SEL1L: variants seen among roughly 807,000 people sequenced by gnomAD.
SEL1L encodes the protein protein sel-1 homolog 1.
A neutral mutation model predicts 109.8 loss-of-function variants in SEL1L; 52 were observed. The ratio of observed to expected loss-of-function variants is 0.47; its 90% confidence interval spans 0.38 to 0.60. The LOEUF (loss-of-function observed/expected upper bound fraction) is 0.60, where lower values mean the gene tolerates loss of function less well. Ranked by LOEUF, SEL1L falls within the 20% of genes least tolerant of loss-of-function variation. The pLI is 0.00. For synonymous variants in SEL1L, 373 were observed against 339.6 expected (o/e 1.10, Z -1.08); for missense variants, 749 against 962.2 (o/e 0.78, Z 2.93).
rs201724402 is a variant in SEL1L, at chr14:81,490,479, C to G, written c.1255-14G>C. 4.8e-4 allele frequency: 762 copies of G among 1,600,670 alleles called. No homozygotes were observed. Among genetic ancestry groups the G allele is most frequent in the Non-Finnish European group, 5.9e-4 (691 of 1,168,124 alleles). On this transcript the variant is annotated splice_polypyrimidine_tract_variant and intron_variant, in intron 12 of 20. Coordinates refer to ENST00000336735, the MANE Select transcript of SEL1L (RefSeq NM_005065.6). ...TTCCGAATACATCTGGAAAACAGAT[C>G]CCAATTTCAGTAAGAGCTGTAACCC...
intron 4 of SEL1L, among the ~76,000 whole-genome samples, chr14:81,505,431 C>T (rs1364474745): frequency 6.6e-6 from 1 of 152,078 alleles, no homozygotes; most frequent in Non-Finnish European, 1.5e-5. Flanking sequence ...ACTGGAGTAC[C>T]CAGTCACGCT....
intron 10 of SEL1L, 23 bp from the exon 11 acceptor site, chr14:81,495,160 C>G (rs374101538): frequency 1.4e-5 from 23 of 1,611,012 alleles, no homozygotes; most frequent in Non-Finnish European, 1.9e-5. Context: ...ACAAACAAGG[C>G]AAAAGTAAGT....
At chr14:81,519,002 T>A (rs12883451) in intron 3 of SEL1L, among the ~76,000 whole-genome samples, 8,962 of 152,194 alleles carry the variant, frequency 0.059, 890 homozygotes, top group African/African-American at 0.21. Context: ...TTCTGGAGAG[T>A]TCTCACCATC....
At chr14:81,479,487 G>T in intron 20 of SEL1L, 125 bp downstream of exon 20, 1 of 904,582 alleles carries the variant, frequency 1.1e-6, no homozygotes, top group Non-Finnish European at 1.6e-6. Flanking sequence ...GAGCTGAGGA[G>T]AAGGGAACAC....
chr14:81,482,682 T>C (rs1308388690), intron 19 of SEL1L, among the ~76,000 whole-genome samples: 6 of 152,230 alleles, frequency 3.9e-5, no homozygotes, highest in Non-Finnish European at 8.8e-5. Context: ...GACTGAACTA[T>C]ATTTAAGTAT....
At position 81,474,147 on chromosome 14, in the gene SEL1L, G is replaced by C. The variant is rs1402580369; in HGVS notation, c.*2825C>G. ...AGTGCTAAACAATACATTTTGAAAA[G>C]AAGTCATCTTTGATTTACTTTTTCT... is the stretch of plus-strand genomic sequence containing the variant. On this transcript the variant is annotated 3_prime_UTR_variant, in exon 21 of 21. Transcript: ENST00000336735. 6.6e-6 allele frequency: 1 copy of C among 150,486 alleles called. No homozygotes were observed. Among genetic ancestry groups the C allele is most frequent in the African/African-American group, 2.4e-5 (1 of 40,856 alleles). 9.3% of individuals were successfully genotyped at this position (150,486 alleles called of 1,614,324 possible).
rs149219725 is a variant in SEL1L at position 81,494,076 on chromosome 14, A to G, written c.1185+1005T>C. ...TGGCAACTCCTAAATTTATATTTTC[A>G]GCTTCAATCCAGTCTATTCGACTAC... is the stretch of plus-strand genomic sequence containing the variant. On this transcript the variant is annotated intron_variant, in intron 11 of 20. Coordinates refer to ENST00000336735, the MANE Select transcript of SEL1L (RefSeq NM_005065.6). 1.7e-3 allele frequency among the ~76,000 whole-genome samples: 264 copies of G among 152,304 alleles called. 4 individuals carry two copies. Among genetic ancestry groups the G allele is most frequent in the African/African-American group, 6.0e-3 (248 of 41,564 alleles).
rs1393815269 is a variant in SEL1L at position 81,492,562 on chromosome 14, A to G, written c.1186-14T>C. Reference sequence around the variant, plus strand: ...GTCAAATGCTCTCTATGAGAAAAGAATTTATTAAAATAATTAGTTTTTAAC... The same window carrying G: ...GTCAAATGCTCTCTATGAGAAAAGAGTTTATTAAAATAATTAGTTTTTAAC... On this transcript the variant is annotated splice_polypyrimidine_tract_variant and intron_variant, in intron 11 of 20. Transcript: ENST00000336735. 6.5e-7 allele frequency: 1 copy of G among 1,542,062 alleles called. No individual in the cohort carries two copies. Among genetic ancestry groups the G allele is most frequent in the Non-Finnish European group, 8.9e-7 (1 of 1,129,764 alleles).
chr14:81,504,935 G>A (rs1285882879), intron 4 of SEL1L, among the ~76,000 whole-genome samples: 1 of 152,122 alleles, frequency 6.6e-6, no homozygotes, highest in Non-Finnish European at 1.5e-5. Flanking sequence ...AAGCCAAGCA[G>A]ATGCCAGCAT....
chr14:81,506,660 C>T (rs111992918), intron 3 of SEL1L, among the ~76,000 whole-genome samples: 12 of 152,140 alleles, frequency 7.9e-5, no homozygotes, highest in Admixed American at 6.5e-4. Flanking sequence ...AATGCTCCCC[C>T]CAAGGCAAAG....
rs191761561 is a variant in SEL1L at position 81,497,800 on chromosome 14, G to T, written c.1128+92C>A. On this transcript the variant is annotated intron_variant, in intron 10 of 20. Coordinates refer to ENST00000336735, the MANE Select transcript of SEL1L (RefSeq NM_005065.6). ...CATAATTGCTCAGGGCAATGAAAAT[G>T]TAACTTACAGATATAAGTGCTTGCT... 7 of 1,159,012 alleles carry T rather than the reference G, an allele frequency of 6.0e-6. No homozygotes were observed. In the Admixed American group the frequency reaches 1.6e-4, roughly 27 times the overall value. The allele number at this position is 1,159,012 out of a possible 1,614,324, so 71.8% of individuals were successfully genotyped here.
intron 12 of SEL1L, among the ~76,000 whole-genome samples, chr14:81,491,475 AC>A (rs1883534667): frequency 6.6e-6 from 1 of 152,258 alleles, no homozygotes. Context: ...TAAATGCTTA[AC>A]AAAAACAGAG....
chr14:81,528,544 A>G (rs1453094647), intron 1 of SEL1L, among the ~76,000 whole-genome samples: 1 of 152,142 alleles, frequency 6.6e-6, no homozygotes, highest in East Asian at 1.9e-4. Flanking sequence ...GCTCTTACAT[A>G]AACACATGCA....
chr14:81,481,550 G>T (rs1903356448), intron 19 of SEL1L, among the ~76,000 whole-genome samples: 1 of 151,948 alleles, frequency 6.6e-6, no homozygotes, highest in African/African-American at 2.4e-5. Context: ...GATTCACTAG[G>T]GTAATTAAAT....
chr14:81,527,238 A>T (rs74557522), intron 2 of SEL1L, among the ~76,000 whole-genome samples: 8 of 152,230 alleles, frequency 5.3e-5, no homozygotes, highest in Admixed American at 5.2e-4. Flanking sequence ...CATGCCCCCA[A>T]CATACCTTAT....
intron 1 of SEL1L, among the ~76,000 whole-genome samples, chr14:81,529,648 T>C (rs180768221): frequency 1.4e-3 from 209 of 152,346 alleles, no homozygotes; most frequent in African/African-American, 4.9e-3. Flanking sequence ...AATTGCATCA[T>C]GCTTCTCTTT....
chr14:81,480,931 G>A lies in SEL1L; in HGVS notation c.2047-1191C>T, dbSNP rs114217414. Among the ~76,000 whole-genome samples, 519 of 152,068 alleles carry A rather than the reference G, an allele frequency of 3.4e-3. 3 individuals carry two copies. The highest frequency in any genetic ancestry group is 0.012 in the African/African-American group (492 of 41,454). On this transcript the variant is annotated intron_variant, in intron 19 of 20. Coordinates refer to ENST00000336735, the MANE Select transcript of SEL1L (RefSeq NM_005065.6). The stretch of plus-strand genomic sequence containing the variant: ...TTCCTCCAGTGCATTGTCTTGGGGT[G>A]TAAAAACCTCAGGGGCTACCACCGG...
In SEL1L at chr14:81,510,504, C is replaced by CTA. The variant is rs1201145909; in HGVS notation, c.341-4264_341-4263insTA. 1.4e-3 allele frequency among the ~76,000 whole-genome samples: 171 copies of CTA among 124,500 alleles called. 1 individual carries two copies. The highest frequency in any genetic ancestry group is 1.9e-3 in the Non-Finnish European group (111 of 58,884). The allele number at this position is 124,500 out of a possible 152,430, so 81.7% of individuals were successfully genotyped here. On this transcript the variant is annotated intron_variant, in intron 3 of 20. Coordinates refer to ENST00000336735, the MANE Select transcript of SEL1L (RefSeq NM_005065.6). ...TCTCTCTCTCTCTCTCTCTCTCTCT[C>CTA]TCTCTCTCTCTATATATATATATAT...
intron 3 of SEL1L, among the ~76,000 whole-genome samples, chr14:81,522,831 T>C (rs187786797): frequency 6.6e-6 from 1 of 152,158 alleles, no homozygotes; most frequent in African/African-American, 2.4e-5. Flanking sequence ...TAATACCTAA[T>C]ATAATGGAAA....
Sources: allele counts gnomAD v4.1 joint callset (sites outside exome capture counted in the v4.1 genomes callset), GRCh38; gene constraint gnomAD v4.1.1; transcripts MANE v1.5; gene names NCBI Gene and HGNC (gene_info 2026-07-23, HGNC 2026-07-21).